EPG5: variants seen among roughly 807,000 people sequenced by gnomAD.
The protein encoded by EPG5 is ectopic P granules protein 5 homolog.
In EPG5, 159 loss-of-function variants were observed where a neutral mutation model predicts 302.7. That is an observed-to-expected ratio of 0.53 (90% CI 0.46 to 0.60). EPG5 has a LOEUF of 0.60. Ranked by LOEUF, EPG5 falls within the 20% of genes least tolerant of loss-of-function variation. EPG5 has a pLI of 0.00. For synonymous variants in EPG5, 1,158 were observed against 1,136.8 expected (o/e 1.02, Z -0.37); for missense variants, 2,896 against 3,092.4 (o/e 0.94, Z 1.51).
At chr18:45,812,961 C>G in the EPG5 span, among the ~76,000 whole-genome samples, 8 of 152,190 alleles carry the variant, frequency 5.3e-5, no homozygotes, top group African/African-American at 1.7e-4. Flanking sequence ...GCAAAAGAAA[C>G]TACCATTAGA....
At chr18:45,870,394 A>T (rs2048843340) in intron 36 of EPG5, among the ~76,000 whole-genome samples, 173 bp downstream of exon 36, 1 of 152,124 alleles carries the variant, frequency 6.6e-6, no homozygotes, top group African/African-American at 2.4e-5. Flanking sequence ...TTTTAACACG[A>T]TAAAATGACT....
the EPG5 span, among the ~76,000 whole-genome samples, chr18:45,810,246 C>G: frequency 6.6e-6 from 1 of 152,002 alleles, no homozygotes; most frequent in African/African-American, 2.4e-5. Context: ...AAAAAAAGGC[C>G]AGGACCAGAC....
chr18:45,953,039 G>C (rs544659980), intron 2 of EPG5, among the ~76,000 whole-genome samples: 5 of 152,242 alleles, frequency 3.3e-5, no homozygotes, highest in Middle Eastern at 3.4e-3. Context: ...TGGGCATGGT[G>C]GTGGGCGCCT....
At chr18:45,874,248 G>T (rs935240232) in intron 35 of EPG5, among the ~76,000 whole-genome samples, 13 of 152,166 alleles carry the variant, frequency 8.5e-5, no homozygotes, top group African/African-American at 3.1e-4. Context: ...GAAGGCTTGT[G>T]CATGTGTGGG....
At chr18:45,931,528 C>T (rs1428807675) in intron 11 of EPG5, among the ~76,000 whole-genome samples, 4 of 152,066 alleles carry the variant, frequency 2.6e-5, no homozygotes, top group Admixed American at 6.6e-5. Context: ...GGAAAAAAAG[C>T]CCATTTTAAA....
the EPG5 span, among the ~76,000 whole-genome samples, chr18:45,807,286 C>T: frequency 6.6e-6 from 1 of 152,188 alleles, no homozygotes; most frequent in Non-Finnish European, 1.5e-5. Flanking sequence ...ATGGTCCTTC[C>T]CTATCCACCC....
intron 31 of EPG5, among the ~76,000 whole-genome samples, chr18:45,880,712 C>A (rs567475915): frequency 6.6e-6 from 1 of 152,278 alleles, no homozygotes; most frequent in East Asian, 1.9e-4. Flanking sequence ...CTGGACAAGT[C>A]CAGCAGCCCA....
the EPG5 span, among the ~76,000 whole-genome samples, chr18:45,810,279 A>G: frequency 6.6e-6 from 1 of 152,212 alleles, no homozygotes; most frequent in Non-Finnish European, 1.5e-5. Flanking sequence ...GAATTCTACC[A>G]GACATTCAAA....
chr18:45,857,876 G>T lies in EPG5; in HGVS notation c.7419C>A (p.Gly2473=). The T allele has an allele frequency of 6.2e-7, 1 of 1,612,126 alleles. No homozygotes were observed. The highest frequency in any genetic ancestry group is 8.5e-7 in the Non-Finnish European group (1 of 1,179,992). The change falls in exon 42 of 44, where the codon GGC becomes GGA. Residue 2473 remains glycine (G), a synonymous_variant. Coordinates refer to ENST00000282041, the MANE Select transcript of EPG5 (RefSeq NM_020964.3). ...ACCTGTTAGACAAAGGCGACTTCCG[G>T]CCAAACCCAATTGCCCCCAGGATCC... ...SSGILGAIGF[G]RKSPLSNRFR... is the part of the protein sequence containing the mutation.
At chr18:45,856,795 T>C (rs1231310681) in intron 42 of EPG5, among the ~76,000 whole-genome samples, 1 of 152,042 alleles carries the variant, frequency 6.6e-6, no homozygotes, top group Non-Finnish European at 1.5e-5. Context: ...AACCATGATG[T>C]AAGTAAGTAT....
chr18:45,826,805 G>C, the EPG5 span, among the ~76,000 whole-genome samples: 1 of 152,196 alleles, frequency 6.6e-6, no homozygotes, highest in African/African-American at 2.4e-5. Flanking sequence ...AGTCCAGCTC[G>C]GGGCTGGTTT....
At position 45,880,117 on chromosome 18, in the gene EPG5, G is replaced by A. The variant is rs1187266900; in HGVS notation, c.5625C>T (p.Ala1875=). 10 of 1,610,448 alleles carry A rather than the reference G, an allele frequency of 6.2e-6. No individual in the cohort carries two copies. Among genetic ancestry groups the A allele is most frequent in the Non-Finnish European group, 8.5e-6 (10 of 1,177,564 alleles). Residue 1875 remains alanine (A), a synonymous_variant, in exon 32 of 44, where the codon GCC becomes GCT. Coordinates refer to ENST00000282041, the MANE Select transcript of EPG5 (RefSeq NM_020964.3). ...GAGCATCAGAAGAGCTGGGAAGCAC[G>A]GCGCCCTCGGTGGACGCTGCCCCCT... ...CQQGAASTEG[A]VLPSSSDALL...
At chr18:45,813,379 C>G in the EPG5 span, among the ~76,000 whole-genome samples, 1 of 152,188 alleles carries the variant, frequency 6.6e-6, no homozygotes, top group African/African-American at 2.4e-5. Flanking sequence ...GGATCTAGAG[C>G]TAGAAACACC....
chr18:45,966,098 C>G (rs1477404074), intron 1 of EPG5, among the ~76,000 whole-genome samples: 3 of 151,238 alleles, frequency 2.0e-5, no homozygotes, highest in African/African-American at 7.3e-5. Context: ...ATAGGCTGGG[C>G]GCGGTGGCTC....
Position 45,925,814 on chromosome 18 carries a change from T to G in EPG5, c.2642A>C (p.Asn881Thr). 6.3e-7 allele frequency: 1 copy of G among 1,581,792 alleles called. No individual in the cohort carries two copies. Among genetic ancestry groups the G allele is most frequent in the Non-Finnish European group, 8.6e-7 (1 of 1,167,162 alleles). The change falls in exon 14 of 44, where the codon AAT becomes ACT. Residue 881 changes from asparagine (N) to threonine (T), a missense_variant. Transcript: ENST00000282041. The part of the protein sequence containing the change: ...EIAVIRDWLL[N>T]YNLTVVKNKL... ...ATTCTTCACCACTGTCAGGTTGTAA[T>G]TCAATAACCAATCCCGAATCACCGC... is the stretch of plus-strand genomic sequence containing the variant.
At chr18:45,928,777 C>T (rs1024121094) in intron 13 of EPG5, 92 bp downstream of exon 13, 2 of 1,267,238 alleles carry the variant, frequency 1.6e-6, no homozygotes, top group African/African-American at 3.0e-5. Context: ...CCCCTAGTGA[C>T]AAGATCATTC....
At chr18:45,812,086 G>A in the EPG5 span, among the ~76,000 whole-genome samples, 5 of 152,002 alleles carry the variant, frequency 3.3e-5, no homozygotes, top group African/African-American at 4.8e-5. Flanking sequence ...ATACAAAATC[G>A]ATCTGCAAAA....
chr18:45,836,440 T>C, the EPG5 span, among the ~76,000 whole-genome samples: 1 of 152,076 alleles, frequency 6.6e-6, no homozygotes, highest in Non-Finnish European at 1.5e-5. Context: ...AGCCTGCCCT[T>C]TCTCCTTGGG....
At chr18:45,847,363 C>T (rs1248735383), downstream of EPG5, among the ~76,000 whole-genome samples, 1 of 152,178 alleles carries the variant, frequency 6.6e-6, no homozygotes, top group Non-Finnish European at 1.5e-5. Context: ...AAGCTCAAGG[C>T]CACATCACAG....
Sources: allele counts gnomAD v4.1 joint callset (sites outside exome capture counted in the v4.1 genomes callset), GRCh38; gene constraint gnomAD v4.1.1; transcripts MANE v1.5; gene names NCBI Gene and HGNC (gene_info 2026-07-23, HGNC 2026-07-21).